The following PDE10A variants were observed in gnomAD, a reference collection of about 807,000 sequenced individuals.
PDE10A encodes the protein cAMP and cAMP-inhibited cGMP 3',5'-cyclic phosphodiesterase 10A.
A neutral mutation model predicts 97.7 loss-of-function variants in PDE10A; 39 were observed. The observed-to-expected ratio is 0.40, with a 90% CI of 0.31 to 0.52. PDE10A has a LOEUF of 0.52. Among genes scored for constraint, PDE10A ranks in the 20% least tolerant of loss-of-function variants. The pLI is 0.56. For synonymous variants in PDE10A, 371 were observed against 376.8 expected (o/e 0.98, Z 0.18); for missense variants, 731 against 1,047.8 (o/e 0.70, Z 4.17).
At chr6:165,698,728 T>C (rs1791499465) in intron 1 of PDE10A, among the ~76,000 whole-genome samples, 1 of 152,010 alleles carries the variant, frequency 6.6e-6, no homozygotes, top group South Asian at 2.1e-4. Flanking sequence ...CATTTGCTTG[T>C]AGTCCCAGCT....
intron 1 of PDE10A, among the ~76,000 whole-genome samples, chr6:165,743,235 C>T (rs954529071): frequency 6.6e-6 from 1 of 152,168 alleles, no homozygotes; most frequent in Non-Finnish European, 1.5e-5. Context: ...CTTTTTAAAA[C>T]CTTTCTATTT....
intron 1 of PDE10A, among the ~76,000 whole-genome samples, chr6:165,802,564 G>T (rs577974043): frequency 3.9e-5 from 6 of 152,164 alleles, no homozygotes; most frequent in Admixed American, 3.9e-4. Flanking sequence ...GGCTGCGTGC[G>T]GCCTGAAGCT....
At chr6:165,741,737 T>C (rs1430817145) in intron 1 of PDE10A, among the ~76,000 whole-genome samples, 1 of 152,216 alleles carries the variant, frequency 6.6e-6, no homozygotes, top group Non-Finnish European at 1.5e-5. Context: ...CTAGTGGCTC[T>C]TATTGAGAGG....
At chr6:165,813,173 T>C (rs1484464739) in intron 1 of PDE10A, among the ~76,000 whole-genome samples, 1 of 152,238 alleles carries the variant, frequency 6.6e-6, no homozygotes, top group Non-Finnish European at 1.5e-5. Flanking sequence ...AGAGTCATGC[T>C]AGACCTTGGT....
At chr6:165,336,250 G>T (rs1382620649) in intron 20 of PDE10A, 39 bp from the exon 21 acceptor site, 1 of 1,310,048 alleles carries the variant, frequency 7.6e-7, no homozygotes, top group East Asian at 2.3e-5. Flanking sequence ...AAACAAAAGT[G>T]CACATTAGCA....
intron 18 of PDE10A, among the ~76,000 whole-genome samples, chr6:165,352,565 A>G (rs1193402503): frequency 6.6e-6 from 1 of 152,212 alleles, no homozygotes; most frequent in Non-Finnish European, 1.5e-5. Flanking sequence ...TTGGATATTT[A>G]CCAAGCTCAT....
chr6:165,907,559 G>A lies in PDE10A; in HGVS notation c.-615+79970C>T, dbSNP rs540889208. On this transcript the variant is annotated intron_variant, in intron 1 of 19. Transcript: ENST00000366882. Reference sequence around the variant, plus strand: ...AGAGTCACTGGCCGCCCTGAAGTTTGTGGCCTCAGCTTCCTTTCCCCCTCA... The same window carrying A: ...AGAGTCACTGGCCGCCCTGAAGTTTATGGCCTCAGCTTCCTTTCCCCCTCA... Among the ~76,000 whole-genome samples the A allele has an allele frequency of 5.2e-5, 8 of 152,382 alleles. No individual in the cohort carries two copies. In the South Asian group the frequency reaches 1.7e-3, roughly 32 times the overall value.
chr6:165,823,502 A>AAT (rs1779634527), intron 1 of PDE10A, among the ~76,000 whole-genome samples: 2 of 95,504 alleles, frequency 2.1e-5, no homozygotes, highest in Non-Finnish European at 4.7e-5. Flanking sequence ...ATATATATAT[A>AAT]TATATATATA....
chr6:165,893,793 G>C (rs1241489476), intron 1 of PDE10A, among the ~76,000 whole-genome samples: 1 of 151,186 alleles, frequency 6.6e-6, no homozygotes, highest in African/African-American at 2.4e-5. Context: ...TAGAACTTAA[G>C]TAGGGTTTGA....
chr6:165,460,878 G>T (rs1479102129), intron 3 of PDE10A, among the ~76,000 whole-genome samples: 2 of 152,072 alleles, frequency 1.3e-5, no homozygotes, highest in Non-Finnish European at 2.9e-5. Context: ...AATTTGCAAG[G>T]TTTGAAAAAA....
chr6:165,761,403 A>G (rs1198394685), intron 1 of PDE10A, among the ~76,000 whole-genome samples: 2 of 152,186 alleles, frequency 1.3e-5, no homozygotes, highest in African/African-American at 4.8e-5. Flanking sequence ...GTTGACACAG[A>G]TCTTTCTTTC....
chr6:165,889,640 G>A (rs565897333), intron 1 of PDE10A, among the ~76,000 whole-genome samples: 4 of 152,132 alleles, frequency 2.6e-5, no homozygotes, highest in African/African-American at 9.6e-5. Flanking sequence ...CCTGTTCTTG[G>A]CAGCAAAAAA....
chr6:165,835,651 C>T (rs929125366), intron 1 of PDE10A, among the ~76,000 whole-genome samples: 6 of 152,098 alleles, frequency 3.9e-5, no homozygotes, highest in Admixed American at 2.6e-4. Flanking sequence ...ACCCTGTTTC[C>T]GGGGTTGGTG....
intron 1 of PDE10A, among the ~76,000 whole-genome samples, chr6:165,779,120 G>A (rs558517458): frequency 2.6e-5 from 4 of 152,256 alleles, no homozygotes; most frequent in Admixed American, 1.3e-4. Context: ...TTCACTTATC[G>A]TTTTGGAGTT....
intron 1 of PDE10A, among the ~76,000 whole-genome samples, chr6:165,680,207 C>A (rs1000959399): frequency 6.6e-6 from 1 of 152,024 alleles, no homozygotes; most frequent in African/African-American, 2.4e-5. Flanking sequence ...AAAAAAATCA[C>A]CATGAAAATT....
chr6:165,823,467 G>C (rs1272868698), intron 1 of PDE10A, among the ~76,000 whole-genome samples: 2 of 77,356 alleles, frequency 2.6e-5, no homozygotes, highest in Non-Finnish European at 2.6e-5. Context: ...GCCTGGGGCT[G>C]CTTTATAGTT....
chr6:165,408,545 A>G (rs1156528358), intron 13 of PDE10A, among the ~76,000 whole-genome samples: 1 of 152,202 alleles, frequency 6.6e-6, no homozygotes, highest in Non-Finnish European at 1.5e-5. Context: ...TAGGGATCCC[A>G]CTATAAAGAA....
At chr6:165,334,230 T>C (rs1428390678) in intron 21 of PDE10A, among the ~76,000 whole-genome samples, 2 of 152,216 alleles carry the variant, frequency 1.3e-5, no homozygotes, top group African/African-American at 4.8e-5. Flanking sequence ...GCCCACACAG[T>C]GGACACCGTG....
intron 1 of PDE10A, among the ~76,000 whole-genome samples, chr6:165,619,452 G>C (rs1787973890): frequency 8.4e-5 from 1 of 11,842 alleles, no homozygotes. Flanking sequence ...GTATAGTCTA[G>C]TGTAGTGTAG....
Sources: gnomAD v4.1 joint callset for allele counts (sites outside exome capture counted in the v4.1 genomes callset) on GRCh38, gnomAD v4.1.1 for gene constraint, MANE v1.5 for transcripts, NCBI Gene and HGNC (gene_info 2026-07-23, HGNC 2026-07-21) for gene names.